The following DCP2 variants were observed in gnomAD, a reference collection of about 807,000 sequenced individuals.
DCP2 encodes m7GpppN-mRNA hydrolase.
A neutral mutation model predicts 56.1 loss-of-function variants in DCP2; 30 were observed. The ratio of observed to expected loss-of-function variants is 0.53; its 90% confidence interval spans 0.40 to 0.73. DCP2 has a LOEUF of 0.73. Ranked by LOEUF, DCP2 falls within the 30% of genes least tolerant of loss-of-function variation. DCP2 has a pLI of 0.00. For missense variants in DCP2, 533 were observed against 502.7 expected (o/e 1.06, Z -0.58); for synonymous variants, 197 against 163.3 (o/e 1.21, Z -1.57).
At chr5:113,004,805 T>G (rs567470902) in intron 8 of DCP2, among the ~76,000 whole-genome samples, 3 of 151,872 alleles carry the variant, frequency 2.0e-5, no homozygotes, top group Non-Finnish European at 2.9e-5. Context: ...GGTTTCAATG[T>G]TACTTTTTTT....
chr5:113,016,802 T>A lies in DCP2; in HGVS notation c.*3318T>A, dbSNP rs985914575. ...AAAGTTAATTATAAAAATTAGACAT[T>A]TTGCCAAGTTAGTTTTCTTACCACA... On this transcript the variant is annotated 3_prime_UTR_variant, in exon 11 of 11. Transcript: ENST00000389063. 2 of 152,046 alleles carry A rather than the reference T, an allele frequency of 1.3e-5. No individual in the cohort carries two copies. Among genetic ancestry groups the A allele is most frequent in the African/African-American group, 4.8e-5 (2 of 41,448 alleles). 9.4% of individuals were successfully genotyped at this position (152,046 alleles called of 1,614,324 possible). A position where few individuals can be genotyped will look rare whatever the true frequency, so the allele number is the denominator to read the frequency against.
At chr5:113,001,282 G>A (rs1286979264) in intron 5 of DCP2, 46 bp downstream of exon 5, 2 of 1,597,910 alleles carry the variant, frequency 1.3e-6, no homozygotes, top group Admixed American at 1.7e-5. Context: ...TATCCCAAAT[G>A]AATAAGTAGG....
intron 10 of DCP2, among the ~76,000 whole-genome samples, chr5:113,011,337 C>T (rs372708310): frequency 1.2e-4 from 19 of 152,298 alleles, no homozygotes; most frequent in African/African-American, 2.6e-4. Flanking sequence ...AAGATACTTG[C>T]AATTTCTCCT....
At chr5:113,009,792 A>T (rs1240238387) in intron 9 of DCP2, among the ~76,000 whole-genome samples, 1 of 152,216 alleles carries the variant, frequency 6.6e-6, no homozygotes, top group Admixed American at 6.5e-5. Context: ...AGTACATATG[A>T]TATAATTCCA....
chr5:112,995,077 A>G (rs900785868), intron 4 of DCP2, among the ~76,000 whole-genome samples: 4 of 152,244 alleles, frequency 2.6e-5, no homozygotes, highest in Non-Finnish European at 5.9e-5. Flanking sequence ...TATTATAGAA[A>G]AACCATTAGT....
At position 113,020,307 on chromosome 5, in the gene DCP2, T is replaced by C. The variant is rs1325278972; in HGVS notation, c.*6823T>C. 1.3e-5 allele frequency: 2 copies of C among 152,232 alleles called. No individual in the cohort carries two copies. Among genetic ancestry groups the C allele is most frequent in the African/African-American group, 4.8e-5 (2 of 41,468 alleles). The allele number at this position is 152,232 out of a possible 1,614,324, so 9.4% of individuals were successfully genotyped here. ...TGTGAAATGATTCAACCTTTAATTT[T>C]TGCCTAGATTATAGCAATGTTTTGT... On this transcript the variant is annotated 3_prime_UTR_variant, in exon 11 of 11. Coordinates refer to ENST00000389063, the MANE Select transcript of DCP2 (RefSeq NM_152624.6).
intron 9 of DCP2, 114 bp downstream of exon 9, chr5:113,008,156 C>A: frequency 1.2e-6 from 1 of 863,394 alleles, no homozygotes; most frequent in Non-Finnish European, 1.8e-6. Flanking sequence ...AATTGATATA[C>A]TAGTAGGATT....
chr5:113,001,268 A>G (rs766793855), intron 5 of DCP2, 32 bp downstream of exon 5: 1 of 1,605,240 alleles, frequency 6.2e-7, no homozygotes, highest in Non-Finnish European at 8.5e-7. Flanking sequence ...AGGTTACTGG[A>G]CAGTATCCCA....
At chr5:113,000,082 A>AAT (rs1491232997) in intron 4 of DCP2, among the ~76,000 whole-genome samples, 1 of 140,478 alleles carries the variant, frequency 7.1e-6, no homozygotes, top group Non-Finnish European at 1.6e-5. Context: ...AAAAAAAAAA[A>AAT]GAAGAAGAAA....
intron 2 of DCP2, among the ~76,000 whole-genome samples, chr5:112,987,806 C>G (rs1262136268): frequency 1.3e-5 from 2 of 150,062 alleles, no homozygotes; most frequent in Middle Eastern, 6.8e-3. Flanking sequence ...TTTTTTTTCT[C>G]TCCTTTTTTG....
At chr5:112,998,952 C>A (rs929300134) in intron 4 of DCP2, among the ~76,000 whole-genome samples, 22 of 152,294 alleles carry the variant, frequency 1.4e-4, no homozygotes, top group African/African-American at 4.8e-4. Flanking sequence ...TCACTAATTG[C>A]CCATTATGAT....
At chr5:112,989,092 G>A (rs1978430) in intron 2 of DCP2, among the ~76,000 whole-genome samples, 40,220 of 152,068 alleles carry the variant, frequency 0.26, 6,677 homozygotes, top group African/African-American at 0.48. Context: ...AGTAGACTCA[G>A]TATCTTCAAG....
intron 10 of DCP2, 124 bp downstream of exon 10, chr5:113,010,931 G>A (rs1749657550): frequency 2.0e-6 from 2 of 993,462 alleles, no homozygotes; most frequent in Non-Finnish European, 2.9e-6. Flanking sequence ...CATATGTTCT[G>A]TAGAAAGAGT....
intron 4 of DCP2, among the ~76,000 whole-genome samples, chr5:112,993,339 A>G (rs537276842): frequency 6.6e-6 from 1 of 152,098 alleles, no homozygotes; most frequent in Non-Finnish European, 1.5e-5. Context: ...CGGCCTTTAA[A>G]TTTTTGCTGT....
intron 8 of DCP2, among the ~76,000 whole-genome samples, chr5:113,006,329 G>C (rs1749436269): frequency 6.6e-6 from 1 of 152,154 alleles, no homozygotes; most frequent in Admixed American, 6.5e-5. Flanking sequence ...ATTGGTTGCA[G>C]AGTTTTTGTT....
At chr5:113,001,302 T>G in intron 5 of DCP2, 55 bp from the exon 6 acceptor site, 1 of 1,597,628 alleles carries the variant, frequency 6.3e-7, no homozygotes, top group Middle Eastern at 1.7e-4. Flanking sequence ...GGAAATCCTT[T>G]TATAAGCTCC....
In DCP2 at chr5:112,981,776, G is replaced by C. The variant is rs1025888359; in HGVS notation, c.54-4059G>C. On this transcript the variant is annotated intron_variant, in intron 1 of 10. Coordinates refer to ENST00000389063, the MANE Select transcript of DCP2 (RefSeq NM_152624.6). ...TTGCTTGATTCCTTCTAGCCTTTTT[G>C]TTTGTTTGTTTTTGAGACGGAGTCT... Among the ~76,000 whole-genome samples, 3 of 152,102 alleles carry C rather than the reference G, an allele frequency of 2.0e-5. No homozygotes were observed. In the South Asian group the frequency reaches 6.2e-4, roughly 32 times the overall value.
chr5:112,997,536 G>A (rs1379433349), intron 4 of DCP2, among the ~76,000 whole-genome samples: 1 of 152,038 alleles, frequency 6.6e-6, no homozygotes, highest in African/African-American at 2.4e-5. Context: ...TAGGCTTATA[G>A]GATGAAGATT....
intron 9 of DCP2, 88 bp downstream of exon 9, chr5:113,008,130 G>A (rs551376624): frequency 1.8e-6 from 2 of 1,117,822 alleles, no homozygotes; most frequent in Admixed American, 4.4e-5. Context: ...AATGTTACTT[G>A]TTTTGTTCTT....
Sources: allele counts gnomAD v4.1 joint callset (sites outside exome capture counted in the v4.1 genomes callset), GRCh38; gene constraint gnomAD v4.1.1; transcripts MANE v1.5; gene names NCBI Gene and HGNC (gene_info 2026-07-23, HGNC 2026-07-21).